NPAS3: variants seen among roughly 807,000 people sequenced by gnomAD.
NPAS3 encodes neuronal PAS domain-containing protein 3.
NPAS3 carries 14 observed loss-of-function variants against 73.1 expected under a neutral mutation model. The observed-to-expected ratio is 0.19, with a 90% CI of 0.13 to 0.30. The LOEUF (loss-of-function observed/expected upper bound fraction) is 0.30, where lower values mean the gene tolerates loss of function less well. Among genes scored for constraint, NPAS3 ranks in the 10% least tolerant of loss-of-function variants. NPAS3 has a pLI of 1.00. For synonymous variants in NPAS3, 620 were observed against 541.5 expected (o/e 1.14, Z -2.01); for missense variants, 1,096 against 1,250.0 (o/e 0.88, Z 1.86).
At chr14:33,569,531 C>T (rs1367875012) in intron 5 of NPAS3, among the ~76,000 whole-genome samples, 2 of 152,048 alleles carry the variant, frequency 1.3e-5, no homozygotes, top group African/African-American at 4.8e-5. Context: ...TATTAAGAAA[C>T]CCCTTCCCTC....
rs148634046 is a variant in NPAS3 at position 33,409,849 on chromosome 14, C to T, written c.468+42581C>T. Among the ~76,000 whole-genome samples, 294 of 152,140 alleles carry T rather than the reference C, an allele frequency of 1.9e-3. 1 individual carries two copies. The highest frequency in any genetic ancestry group is 6.8e-3 in the African/African-American group (283 of 41,498). ...CCATAATTGAATTATGCTAAAAAAC[C>T]CAGCATAGCAGAAAATGACAGGAGA... On this transcript the variant is annotated intron_variant, in intron 4 of 11. Transcript: ENST00000356141.
In NPAS3 at chr14:33,286,638, T is replaced by C. The variant is rs181192015; in HGVS notation, c.385+71212T>C. ...TGTTTCTTGCTATTATAAGTGATGA[T>C]AGCATGAATGTGAGGGCTTTTCTTG... is the stretch of plus-strand genomic sequence containing the variant. On this transcript the variant is annotated intron_variant, in intron 3 of 11. Coordinates refer to ENST00000356141, the Ensembl canonical transcript of NPAS3. 3.9e-3 allele frequency among the ~76,000 whole-genome samples: 590 copies of C among 152,286 alleles called. 1 individual carries two copies. Among genetic ancestry groups the C allele is most frequent in the African/African-American group, 0.013 (558 of 41,570 alleles).
rs73270915 is a variant in NPAS3, at chr14:33,562,425, G to A, written c.558+2215G>A. Reference sequence around the variant, plus strand: ...TGCCATTGCCTTCTTCTCCTGTGGTGGATGTGTTCAGTGTTGGCAGAAACT... The same window carrying A: ...TGCCATTGCCTTCTTCTCCTGTGGTAGATGTGTTCAGTGTTGGCAGAAACT... On this transcript the variant is annotated intron_variant, in intron 5 of 11. Transcript: ENST00000356141. Among the ~76,000 whole-genome samples, 355 of 152,258 alleles carry A rather than the reference G, an allele frequency of 2.3e-3. 1 individual carries two copies. Among genetic ancestry groups the A allele is most frequent in the African/African-American group, 8.1e-3 (335 of 41,544 alleles).
intron 2 of NPAS3, among the ~76,000 whole-genome samples, chr14:33,176,750 G>A (rs1313636815): frequency 6.6e-6 from 1 of 152,108 alleles, no homozygotes; most frequent in African/African-American, 2.4e-5. Context: ...TGGAATTACT[G>A]GGTCAAATGG....
At chr14:33,512,500 A>G (rs1350718658) in intron 4 of NPAS3, among the ~76,000 whole-genome samples, 1 of 152,086 alleles carries the variant, frequency 6.6e-6, no homozygotes, top group East Asian at 1.9e-4. Context: ...TAAATGACTC[A>G]AATGTTATAA....
chr14:33,472,438 A>G (rs990975555), intron 4 of NPAS3, among the ~76,000 whole-genome samples: 3 of 152,224 alleles, frequency 2.0e-5, no homozygotes, highest in African/African-American at 7.2e-5. Flanking sequence ...CTTAGGCTTT[A>G]CAACAATACC....
At chr14:33,127,573 TC>T (rs2043476649) in intron 2 of NPAS3, among the ~76,000 whole-genome samples, 1 of 152,122 alleles carries the variant, frequency 6.6e-6, no homozygotes, top group Non-Finnish European at 1.5e-5. Context: ...TAATAGTTTA[TC>T]CCTGCTCCCT....
downstream of NPAS3, chr14:33,802,397 A>AAAAAAG (rs1261930639): frequency 6.6e-6 from 1 of 151,654 alleles, no homozygotes; most frequent in Non-Finnish European, 1.5e-5. Context: ...AAAAAGAAAA[A>AAAAAAG]AAAAAGAAAA....
At chr14:33,168,932 G>T (rs983088390) in intron 2 of NPAS3, among the ~76,000 whole-genome samples, 1 of 152,172 alleles carries the variant, frequency 6.6e-6, no homozygotes, top group African/African-American at 2.4e-5. Flanking sequence ...AAGATACATT[G>T]TAATATGAGA....
intron 2 of NPAS3, among the ~76,000 whole-genome samples, chr14:33,098,001 C>A (rs1290457266): frequency 6.6e-6 from 1 of 152,128 alleles, no homozygotes; most frequent in African/African-American, 2.4e-5. Flanking sequence ...AAACTCTTAA[C>A]TTTAATATAG....
chr14:33,546,517 C>T (rs2054851622), intron 4 of NPAS3, among the ~76,000 whole-genome samples: 2 of 152,222 alleles, frequency 1.3e-5, no homozygotes, highest in African/African-American at 2.4e-5. Flanking sequence ...CAAAAGATTT[C>T]AGCCTTGAAG....
At chr14:33,089,575 G>A (rs1183922128) in intron 2 of NPAS3, among the ~76,000 whole-genome samples, 1 of 152,176 alleles carries the variant, frequency 6.6e-6, no homozygotes, top group Non-Finnish European at 1.5e-5. Flanking sequence ...AAAACACTCT[G>A]CAGGATATTA....
intron 2 of NPAS3, among the ~76,000 whole-genome samples, chr14:33,132,678 A>G (rs1271180948): frequency 1.3e-5 from 2 of 152,102 alleles, no homozygotes; most frequent in East Asian, 1.9e-4. Flanking sequence ...GAAGGCAAGT[A>G]CAGTTGATAG....
chr14:33,095,729 C>T (rs2042394082), intron 2 of NPAS3, among the ~76,000 whole-genome samples: 1 of 135,724 alleles, frequency 7.4e-6, no homozygotes, highest in Admixed American at 8.4e-5. Context: ...AGTGCAGTGG[C>T]GCGATCTGGA....
intron 2 of NPAS3, among the ~76,000 whole-genome samples, chr14:33,113,266 C>A (rs1595474442): frequency 6.6e-6 from 1 of 152,054 alleles, no homozygotes; most frequent in South Asian, 2.1e-4. Context: ...GGTAGTATGG[C>A]CATTTTCATG....
At chr14:33,145,705 T>G (rs991803570) in intron 2 of NPAS3, among the ~76,000 whole-genome samples, 1 of 152,202 alleles carries the variant, frequency 6.6e-6, no homozygotes, top group Non-Finnish European at 1.5e-5. Flanking sequence ...GTGTCCTTTT[T>G]GTTTTTCCTA....
chr14:32,965,657 G>A (rs770421966), intron 1 of NPAS3, among the ~76,000 whole-genome samples: 9 of 152,148 alleles, frequency 5.9e-5, no homozygotes, highest in Non-Finnish European at 8.8e-5. Flanking sequence ...AACAAGGCAA[G>A]GATGCCCACT....
intron 5 of NPAS3, among the ~76,000 whole-genome samples, chr14:33,671,748 G>T (rs2059616273): frequency 6.6e-6 from 1 of 152,140 alleles, no homozygotes; most frequent in African/African-American, 2.4e-5. Context: ...AGACCAAGTG[G>T]GTGAAGTTGG....
intron 1 of NPAS3, among the ~76,000 whole-genome samples, chr14:33,054,735 C>T (rs1322842852): frequency 6.6e-6 from 1 of 151,804 alleles, no homozygotes; most frequent in African/African-American, 2.4e-5. Flanking sequence ...GCCTCAGCCT[C>T]CCAAGTAGCT....
Sources: allele counts gnomAD v4.1 joint callset (sites outside exome capture counted in the v4.1 genomes callset), GRCh38; gene constraint gnomAD v4.1.1; transcripts MANE v1.5; gene names NCBI Gene and HGNC (gene_info 2026-07-23, HGNC 2026-07-21).